RASA3: variants seen among roughly 807,000 people sequenced by gnomAD.
RASA3 encodes ras GTPase-activating protein 3.
Under a neutral mutation model 110.0 loss-of-function variants are expected in RASA3, and 73 were observed. The ratio of observed to expected loss-of-function variants is 0.66; its 90% CI spans 0.55 to 0.81. The LOEUF is 0.81. Among genes scored for constraint, RASA3 ranks in the 30% least tolerant of loss-of-function variants. The pLI, the probability that RASA3 is intolerant of heterozygous loss-of-function variation, is 0.00. For synonymous variants in RASA3, 500 were observed against 451.4 expected (o/e 1.11, Z -1.37); for missense variants, 976 against 1,113.2 (o/e 0.88, Z 1.75).
chr13:114,076,548 A>G (rs992642143), intron 1 of RASA3, among the ~76,000 whole-genome samples: 16 of 151,578 alleles, frequency 1.1e-4, no homozygotes, highest in Non-Finnish European at 1.9e-4. Flanking sequence ...GCAGCACCGC[A>G]CACACACGCA....
At chr13:114,116,319 G>A (rs562654957) in intron 1 of RASA3, among the ~76,000 whole-genome samples, 1 of 152,014 alleles carries the variant, frequency 6.6e-6, no homozygotes, top group Non-Finnish European at 1.5e-5. Context: ...TAGAAATACC[G>A]TCCTCACTAT....
In RASA3 at chr13:114,011,210, C is replaced by T; in HGVS notation, c.1551G>A (p.Lys517=). Residue 517 remains lysine, a synonymous_variant, in exon 16 of 24, where the codon AAG becomes AAA. Coordinates refer to ENST00000334062, the MANE Select transcript of RASA3 (RefSeq NM_007368.4). This position sits in a 1 kb window ranked among gnomAD's most constrained non-coding sequence, Gnocchi z 4.8. ...QTSRTLTLIS[K]TVQTLGSLSK... is the part of the protein sequence containing the mutation. ...ACAGGCTGCCGAGGGTCTGAACGGTCTTGGAGATCAATGTCAGCGTCCTGG... is the reference window on the plus strand; with the variant it reads ...ACAGGCTGCCGAGGGTCTGAACGGTTTTGGAGATCAATGTCAGCGTCCTGG... 1 of 1,613,008 alleles carries T rather than the reference C, an allele frequency of 6.2e-7. No homozygotes were observed. The highest frequency in any genetic ancestry group is 8.5e-7 in the Non-Finnish European group (1 of 1,179,730).
intron 1 of RASA3, among the ~76,000 whole-genome samples, chr13:114,078,974 G>A (rs982456722): frequency 3.3e-5 from 5 of 152,246 alleles, no homozygotes; most frequent in Admixed American, 2.6e-4. Context: ...CCTCCCTGCA[G>A]GCATCCTGGG....
intron 1 of RASA3, among the ~76,000 whole-genome samples, chr13:114,079,465 G>C (rs2079745158): frequency 6.6e-6 from 1 of 152,210 alleles, no homozygotes; most frequent in Non-Finnish European, 1.5e-5. Context: ...AACATTCAAA[G>C]GGGCCTAAAA....
intron 1 of RASA3, among the ~76,000 whole-genome samples, chr13:114,111,566 G>C (rs113162753): frequency 5.1e-4 from 52 of 102,868 alleles, no homozygotes; most frequent in Middle Eastern, 7.1e-3. Context: ...AGCCTCAAAC[G>C]AGCTGCAGGC....
intron 11 of RASA3, 27 bp downstream of exon 11, chr13:114,018,077 C>T: frequency 6.7e-7 from 1 of 1,486,146 alleles, no homozygotes; most frequent in Non-Finnish European, 9.0e-7. Context: ...CCAGGCCGCT[C>T]TCCCCCGGGG....
At chr13:114,053,875 C>T (rs2079194230) in intron 2 of RASA3, among the ~76,000 whole-genome samples, 1 of 152,214 alleles carries the variant, frequency 6.6e-6, no homozygotes, top group Non-Finnish European at 1.5e-5. Flanking sequence ...CCTGTAATCC[C>T]AACACTTTGG....
chr13:114,123,314 G>A (rs1236554311), intron 1 of RASA3, among the ~76,000 whole-genome samples: 1 of 152,192 alleles, frequency 6.6e-6, no homozygotes, highest in Non-Finnish European at 1.5e-5. Flanking sequence ...CGAGGGTTTG[G>A]AACCAAAACA....
At chr13:114,033,744 GC>G (rs1472840640) in intron 4 of RASA3, among the ~76,000 whole-genome samples, 5 of 152,256 alleles carry the variant, frequency 3.3e-5, no homozygotes, top group African/African-American at 1.2e-4. Flanking sequence ...TGCTGCCCAG[GC>G]AGGTGTGGGA....
intron 11 of RASA3, 55 bp from the exon 12 acceptor site, chr13:114,017,406 C>A: frequency 7.0e-7 from 1 of 1,436,994 alleles, no homozygotes; most frequent in Non-Finnish European, 9.7e-7. Flanking sequence ...GAAGTGCAGA[C>A]GGAGCAGAGC....
Position 113,979,080 on chromosome 13 carries a change from CTGAT to C in RASA3, c.*263_*266del, listed in dbSNP as rs1301541824. 4.0e-6 allele frequency: 2 copies of C among 498,654 alleles called. No individual in the cohort carries two copies. Among genetic ancestry groups the C allele is most frequent in the Non-Finnish European group, 7.3e-6 (2 of 273,156 alleles). 30.9% of individuals were successfully genotyped at this position (498,654 alleles called of 1,614,324 possible). ...CAGCCCACACTTCCTGATCCTTCAGCTGATCCCCAGATCCCCACAAACAAGGAGC... is the reference window on the plus strand; with the variant it reads ...CAGCCCACACTTCCTGATCCTTCAGCCCCCAGATCCCCACAAACAAGGAGC... On this transcript the variant is annotated 3_prime_UTR_variant, in exon 24 of 24. Coordinates refer to ENST00000334062, the MANE Select transcript of RASA3 (RefSeq NM_007368.4).
chr13:113,981,882 G>T, intron 22 of RASA3, 24 bp from the exon 23 acceptor site: 3 of 1,604,492 alleles, frequency 1.9e-6, no homozygotes, highest in Non-Finnish European at 2.6e-6. Context: ...AGGGGTCAGC[G>T]CAGGGCAGGA....
At position 114,052,086 on chromosome 13, in the gene RASA3, G is replaced by A. The variant is rs761864327; in HGVS notation, c.243C>T (p.Phe81=). ...RSFRHLSFYI[F]DRDVFRRDSI... is the part of the protein sequence containing the mutation. ...AATCCCTCCGGAAAACGTCTCTATC[G>A]AAAATGTAGAAGGACAGGTGACGAA... The change falls in exon 3 of 24, where the codon TTC becomes TTT. Residue 81 remains phenylalanine (F), a synonymous_variant. Coordinates refer to ENST00000334062, the MANE Select transcript of RASA3 (RefSeq NM_007368.4). The A allele has an allele frequency of 1.1e-5, 18 of 1,612,606 alleles. No individual in the cohort carries two copies. Among genetic ancestry groups the A allele is most frequent in the South Asian group, 1.1e-4 (10 of 91,052 alleles).
intron 21 of RASA3, 73 bp from the exon 22 acceptor site, chr13:113,992,661 T>A: frequency 2.6e-6 from 3 of 1,144,804 alleles, no homozygotes; most frequent in Non-Finnish European, 3.8e-6. Context: ...GACATTCATT[T>A]TTAAAATGTC....
At chr13:114,118,177 T>C (rs374230162) in intron 1 of RASA3, among the ~76,000 whole-genome samples, 72 of 152,230 alleles carry the variant, frequency 4.7e-4, no homozygotes, top group African/African-American at 1.6e-3. Context: ...TACTCTATAA[T>C]AACTTGGAAG....
chr13:114,082,923 T>C (rs1245923309), intron 1 of RASA3, among the ~76,000 whole-genome samples: 1 of 152,220 alleles, frequency 6.6e-6, no homozygotes, highest in Non-Finnish European at 1.5e-5. Context: ...ACAGAGCTAA[T>C]TGATTCTCAC....
intron 2 of RASA3, among the ~76,000 whole-genome samples, chr13:114,058,960 G>C (rs1445206637): frequency 6.6e-6 from 1 of 152,254 alleles, no homozygotes; most frequent in Non-Finnish European, 1.5e-5. Flanking sequence ...CACTTTGGGA[G>C]GCCATGCCAG....
At chr13:114,019,826 G>T (rs796866755) in intron 9 of RASA3, among the ~76,000 whole-genome samples, 1 of 54,964 alleles carries the variant, frequency 1.8e-5, no homozygotes, top group African/African-American at 8.7e-5. Context: ...GGCATTAGCA[G>T]CCCTGTCAGG....
In RASA3 at chr13:114,041,037, A is replaced by G; in HGVS notation, c.335T>C (p.Phe112Ser). ...LQKYHNRDTWFQLQHVDADSE... is the reference protein window; with the variant it reads ...LQKYHNRDTWSQLQHVDADSE... ...GTCAGCGTCCACGTGCTGCAGCTGG[A>G]ACCAGGTGTCCCTGTTGTGGTACTT... Residue 112 changes from phenylalanine to serine, a missense_variant, in exon 4 of 24, where the codon TTC (phenylalanine) becomes TCC (serine). Phe to Ser is a radical substitution (Grantham distance 155, BLOSUM62 -2). Coordinates refer to ENST00000334062, the MANE Select transcript of RASA3 (RefSeq NM_007368.4). The G allele has an allele frequency of 6.2e-7, 1 of 1,613,828 alleles. No homozygotes were observed. The highest frequency in any genetic ancestry group is 8.5e-7 in the Non-Finnish European group (1 of 1,180,018).
Sources: gnomAD v4.1 joint callset for allele counts (sites outside exome capture counted in the v4.1 genomes callset) on GRCh38, gnomAD v4.1.1 for gene constraint, Gnocchi (gnomAD v3.1) non-coding constraint, MANE v1.5 for transcripts, NCBI Gene and HGNC (gene_info 2026-07-23, HGNC 2026-07-21) for gene names.